JAM2: variants seen among roughly 807,000 people sequenced by gnomAD.
The protein encoded by JAM2 is junctional adhesion molecule 2, also known as junctional adhesion molecule B.
Under a neutral mutation model 42.0 loss-of-function variants are expected in JAM2, and 17 were observed. The observed-to-expected ratio is 0.40, with a 90% CI of 0.28 to 0.61. JAM2 has a LOEUF of 0.61. Ranked by LOEUF, JAM2 falls within the 20% of genes least tolerant of loss-of-function variation. The pLI, the probability that JAM2 is intolerant of heterozygous loss-of-function variation, is 0.37. For missense variants in JAM2, 319 were observed against 358.3 expected, an observed-to-expected ratio of 0.89 and a Z score of 0.89; for synonymous variants, 118 against 128.6, an observed-to-expected ratio of 0.92 and a Z score of 0.56.
In JAM2 at chr21:25,680,800, C is replaced by CGATG. The variant is rs557196760; in HGVS notation, c.68-3065_68-3062dup. Among the ~76,000 whole-genome samples the CGATG allele has an allele frequency of 8.0e-5, 12 of 150,054 alleles. No homozygotes were observed. The East Asian group carries it at 1.2e-3, about 15-fold the overall frequency. The stretch of plus-strand genomic sequence containing the variant: ...GATGGATGGATGGATGGATGACGAT[C>CGATG]GATGGATGGATGGATGGATGGGCAG... On this transcript the variant is annotated intron_variant, in intron 1 of 9. Transcript: ENST00000480456.
chr21:25,697,156 C>T (rs977404839), intron 4 of JAM2, among the ~76,000 whole-genome samples: 5 of 152,078 alleles, frequency 3.3e-5, no homozygotes, highest in South Asian at 2.1e-4. Context: ...TCTCCTTGTG[C>T]CTTGAATATC....
chr21:25,702,281 A>C lies in JAM2; in HGVS notation c.697+12A>C. 1.3e-6 allele frequency: 2 copies of C among 1,539,870 alleles called. No individual in the cohort carries two copies. Among genetic ancestry groups the C allele is most frequent in the Non-Finnish European group, 8.9e-7 (1 of 1,118,338 alleles). On this transcript the variant is annotated intron_variant, in intron 6 of 9. Coordinates refer to ENST00000480456, the MANE Select transcript of JAM2 (RefSeq NM_021219.4). Reference sequence around the variant, plus strand: ...ACGAATGCAAGTAGGTAAGCATGAAATATTGGGAGGAACAAATGGTTTGCA... The same window carrying C: ...ACGAATGCAAGTAGGTAAGCATGAACTATTGGGAGGAACAAATGGTTTGCA...
chr21:25,709,594 C>T (rs1035587046), intron 8 of JAM2, 145 bp downstream of exon 8: 3 of 515,416 alleles, frequency 5.8e-6, no homozygotes, highest in Admixed American at 2.8e-5. Flanking sequence ...TCAAGAAATA[C>T]ATCTGTATTA....
chr21:25,651,196 A>C (rs1335546002), intron 1 of JAM2, among the ~76,000 whole-genome samples: 1 of 152,132 alleles, frequency 6.6e-6, no homozygotes, highest in African/African-American at 2.4e-5. Flanking sequence ...TTGGGAAAGG[A>C]TATTTGTAAG....
At chr21:25,684,771 A>AT (rs377238899) in intron 2 of JAM2, among the ~76,000 whole-genome samples, 2,364 of 151,950 alleles carry the variant, frequency 0.016, 27 homozygotes, top group Non-Finnish European at 0.024. Context: ...AATTTTTTGT[A>AT]TTTTTTTGTA....
intron 2 of JAM2, among the ~76,000 whole-genome samples, chr21:25,685,396 C>T (rs1031298190): frequency 4.0e-5 from 6 of 151,760 alleles, no homozygotes; most frequent in Non-Finnish European, 5.9e-5. Flanking sequence ...TGGTGCACAC[C>T]TGTTGTCCCA....
intron 1 of JAM2, among the ~76,000 whole-genome samples, chr21:25,646,800 G>C (rs947875273): frequency 6.6e-6 from 1 of 152,164 alleles, no homozygotes; most frequent in Non-Finnish European, 1.5e-5. Context: ...CATTGTCTTG[G>C]CTCAGAAAGT....
chr21:25,649,195 A>T (rs1002585271), intron 1 of JAM2, among the ~76,000 whole-genome samples: 1 of 152,232 alleles, frequency 6.6e-6, no homozygotes, highest in Non-Finnish European at 1.5e-5. Context: ...TGCTTAATCT[A>T]GACTAGAACA....
Position 25,715,981 on chromosome 21 carries a change from C to CTTTTTTT in JAM2, c.*1312_*1313insTTTTTTT, listed in dbSNP as rs1387959218. ...AACTATGAACATGATGGTTAATCTT[C>CTTTTTTT]TTTCTTTTTTTTTTTTTTTTTTTGA... On this transcript the variant is annotated 3_prime_UTR_variant, in exon 10 of 10. Transcript: ENST00000480456. The CTTTTTTT allele has an allele frequency of 2.6e-5, 2 of 76,094 alleles. 1 individual carries two copies. Among genetic ancestry groups the CTTTTTTT allele is most frequent in the Non-Finnish European group, 6.0e-5 (2 of 33,484 alleles). 4.7% of individuals were successfully genotyped at this position (76,094 alleles called of 1,614,324 possible). A position where few individuals can be genotyped will look rare whatever the true frequency, so the allele number is the denominator to read the frequency against.
Position 25,673,417 on chromosome 21 carries a change from G to A in JAM2, c.68-10466G>A, listed in dbSNP as rs568631826. Among the ~76,000 whole-genome samples the A allele has an allele frequency of 1.1e-3, 171 of 152,240 alleles. 7 individuals carry two copies. The South Asian group carries it at 0.035, about 31-fold the overall frequency. ...CAGTAGTCCCTCTTATACTTAAGTT[G>A]TCGAAGAACCAGAAAAGGGAGAGGG... On this transcript the variant is annotated intron_variant, in intron 1 of 9. Coordinates refer to ENST00000480456, the MANE Select transcript of JAM2 (RefSeq NM_021219.4).
chr21:25,698,887 C>T lies in JAM2; in HGVS notation c.597+8C>T. The T allele has an allele frequency of 6.2e-7, 1 of 1,610,448 alleles. No homozygotes were observed. The highest frequency in any genetic ancestry group is 8.5e-7 in the Non-Finnish European group (1 of 1,176,952). On this transcript the variant is annotated splice_region_variant and intron_variant, in intron 5 of 9. Transcript: ENST00000480456. ...ACAAAAACTGGAACTCTGGTAAGGT[C>T]ATTTCAAGATTTGACTTGATAACTG...
At chr21:25,698,553 A>ATCACACCTCTTTACC in intron 4 of JAM2, 124 bp from the exon 5 acceptor site, 1 of 770,136 alleles carries the variant, frequency 1.3e-6, no homozygotes, top group Non-Finnish European at 2.1e-6. Flanking sequence ...GGGTCCAGTA[A>ATCACACCTCTTTACC]TCACACCTCT....
At chr21:25,713,963 G>T (rs529166159) in intron 9 of JAM2, among the ~76,000 whole-genome samples, 8 of 152,316 alleles carry the variant, frequency 5.3e-5, no homozygotes, top group African/African-American at 1.9e-4. Context: ...CTACCACAGG[G>T]TTTCTCAACC....
At chr21:25,671,591 C>A (rs958186362) in intron 1 of JAM2, among the ~76,000 whole-genome samples, 2 of 152,132 alleles carry the variant, frequency 1.3e-5, no homozygotes, top group African/African-American at 2.4e-5. Flanking sequence ...CTGCAACCTC[C>A]ACCTCCCAGG....
At chr21:25,680,000 A>G (rs1449973205) in intron 1 of JAM2, among the ~76,000 whole-genome samples, 3 of 152,164 alleles carry the variant, frequency 2.0e-5, no homozygotes, top group African/African-American at 7.2e-5. Context: ...ACCCTCAAAA[A>G]TGTGAGTACA....
chr21:25,706,269 C>A (rs140658123), intron 7 of JAM2, among the ~76,000 whole-genome samples, 183 bp downstream of exon 7: 1 of 152,266 alleles, frequency 6.6e-6, no homozygotes, highest in African/African-American at 2.4e-5. Context: ...ACAACCTCCA[C>A]CTCCCAGGTT....
chr21:25,676,924 A>T (rs549781913), intron 1 of JAM2, among the ~76,000 whole-genome samples: 4 of 152,302 alleles, frequency 2.6e-5, no homozygotes, highest in East Asian at 1.9e-4. Context: ...AATCTTATAA[A>T]TTTTTTTAAT....
In JAM2 at chr21:25,655,574, G is replaced by A. The variant is rs1404560092; in HGVS notation, c.67+15686G>A. On this transcript the variant is annotated intron_variant, in intron 1 of 9. Coordinates refer to ENST00000480456, the MANE Select transcript of JAM2 (RefSeq NM_021219.4). ...CAGCTCAGTGCAATCTCTGCTTCCC[G>A]GGCTCAAGCGATTCTCCTCCCTCAG... 4.7e-5 allele frequency among the ~76,000 whole-genome samples: 7 copies of A among 147,820 alleles called. No individual in the cohort carries two copies. In the East Asian group the frequency reaches 5.9e-4, roughly 12 times the overall value.
At chr21:25,667,289 C>T (rs2033247567) in intron 1 of JAM2, among the ~76,000 whole-genome samples, 1 of 152,180 alleles carries the variant, frequency 6.6e-6, no homozygotes. Context: ...CTGAATGATT[C>T]GGGATCACTT....
Sources: allele counts gnomAD v4.1 joint callset (sites outside exome capture counted in the v4.1 genomes callset), GRCh38; gene constraint gnomAD v4.1.1; transcripts MANE v1.5; gene names NCBI Gene and HGNC (gene_info 2026-07-23, HGNC 2026-07-21).